RBPJ: variants seen among roughly 807,000 people sequenced by gnomAD.
The protein encoded by RBPJ is recombination signal binding protein for immunoglobulin kappa J region.
Under a neutral mutation model 67.8 loss-of-function variants are expected in RBPJ, and 9 were observed. That is an observed-to-expected ratio of 0.13 (90% CI 0.08 to 0.23). The LOEUF is 0.23. RBPJ is among the 10% of genes least tolerant of loss of function. RBPJ has a pLI of 1.00. For synonymous variants in RBPJ, 198 were observed against 203.3 expected (o/e 0.97, Z 0.22); for missense variants, 305 against 595.6 (o/e 0.51, Z 5.08).
chr4:26,413,668 T>C (rs917512821), intron 3 of RBPJ, among the ~76,000 whole-genome samples: 3 of 152,174 alleles, frequency 2.0e-5, no homozygotes, highest in African/African-American at 7.2e-5. Context: ...CATTAATATA[T>C]TTTCAGTCAG....
chr4:26,305,995 A>G (rs1253466966), intron 1 of RBPJ, among the ~76,000 whole-genome samples: 1 of 146,512 alleles, frequency 6.8e-6, no homozygotes, highest in African/African-American at 2.6e-5. Flanking sequence ...CATTTTAGCC[A>G]GGCTGGTCTC....
At chr4:26,418,545 G>A (rs141878512) in intron 4 of RBPJ, among the ~76,000 whole-genome samples, 127 of 152,082 alleles carry the variant, frequency 8.4e-4, no homozygotes, top group African/African-American at 2.8e-3. Flanking sequence ...AGTTCTTTTT[G>A]TGTAGGTCTT....
At chr4:26,414,583 G>A (rs1046124850) in intron 3 of RBPJ, among the ~76,000 whole-genome samples, 1 of 152,214 alleles carries the variant, frequency 6.6e-6, no homozygotes, top group African/African-American at 2.4e-5. Flanking sequence ...ATGTTTTAAA[G>A]TGTGTACAAG....
the RBPJ span, among the ~76,000 whole-genome samples, chr4:26,109,103 C>CT: frequency 0.015 from 1,990 of 129,982 alleles, 38 homozygotes; most frequent in East Asian, 0.058. Flanking sequence ...TTGCCTTCCT[C>CT]TTTTTTTTTT....
At chr4:26,394,288 A>C (rs1731874559) in intron 2 of RBPJ, among the ~76,000 whole-genome samples, 1 of 152,136 alleles carries the variant, frequency 6.6e-6, no homozygotes, top group African/African-American at 2.4e-5. Flanking sequence ...TGGCCTCCCA[A>C]AATGCTGGGA....
chr4:26,298,965 A>G (rs1721978449), intron 1 of RBPJ, among the ~76,000 whole-genome samples: 1 of 152,252 alleles, frequency 6.6e-6, no homozygotes, highest in Non-Finnish European at 1.5e-5. Flanking sequence ...GCTTCAAAGA[A>G]AAAAGGTAGG....
chr4:26,233,426 A>T (rs890775080), intron 1 of RBPJ, among the ~76,000 whole-genome samples: 1 of 152,192 alleles, frequency 6.6e-6, no homozygotes, highest in Non-Finnish European at 1.5e-5. Context: ...TTAGGGCTGA[A>T]TTCAATTATC....
rs181265493 is a variant in RBPJ, at chr4:26,268,747, G to C, written c.-166-93699G>C. Among the ~76,000 whole-genome samples, 96 of 152,074 alleles carry C rather than the reference G, an allele frequency of 6.3e-4. 1 individual carries two copies. Among genetic ancestry groups the C allele is most frequent in the Non-Finnish European group, 1.6e-4 (11 of 67,986 alleles). ...GTCAAGCCTGGCTGAGGGGGGAGGG[G>C]CAGCTGCAGCAGAGGCGGGAGGAAG... On this transcript the variant is annotated intron_variant, in intron 1 of 4. Transcript: ENST00000512351.
upstream of RBPJ, among the ~76,000 whole-genome samples, chr4:26,316,827 C>CTTT (rs56130072): frequency 0.076 from 5,442 of 71,264 alleles, 1,581 homozygotes; most frequent in Non-Finnish European, 0.085. Flanking sequence ...ACCCAGACGA[C>CTTT]TTTTTTTTTT....
chr4:26,218,012 AT>A (rs1414788580), intron 1 of RBPJ, among the ~76,000 whole-genome samples: 3 of 152,216 alleles, frequency 2.0e-5, no homozygotes, highest in Admixed American at 6.5e-5. Context: ...CCTTATTAAA[AT>A]GCAGCAGGAC....
upstream of RBPJ, chr4:26,321,009 T>G: frequency 5.0e-6 from 8 of 1,613,478 alleles, no homozygotes; most frequent in Non-Finnish European, 6.8e-6. Flanking sequence ...GGTTGGAGTT[T>G]TGGCGAGAGT....
rs187612929 is a variant in RBPJ at position 26,282,041 on chromosome 4, G to T, written c.-166-80405G>T. Among the ~76,000 whole-genome samples, 274 of 151,700 alleles carry T rather than the reference G, an allele frequency of 1.8e-3. 1 individual carries two copies. Among genetic ancestry groups the T allele is most frequent in the Middle Eastern group, 0.014 (4 of 292 alleles). ...TTTCATGCAAACTTTATGTGTATTT[G>T]TGTATGTATGTGTTTATCTAGGAAG... On this transcript the variant is annotated intron_variant, in intron 1 of 4. Coordinates refer to the RBPJ transcript ENST00000512351.
chr4:26,197,206 C>G (rs200107871), intron 1 of RBPJ, among the ~76,000 whole-genome samples: 2 of 152,182 alleles, frequency 1.3e-5, no homozygotes, highest in East Asian at 3.9e-4. Context: ...GACCAGTGCT[C>G]GGTTGTCCTA....
chr4:26,164,462 T>C (rs1037893539), intron 1 of RBPJ, among the ~76,000 whole-genome samples: 7 of 152,200 alleles, frequency 4.6e-5, no homozygotes, highest in Non-Finnish European at 8.8e-5. Flanking sequence ...AATGGAGTTA[T>C]GACAGAAGGG....
intron 1 of RBPJ, among the ~76,000 whole-genome samples, chr4:26,269,858 G>T (rs1463404213): frequency 6.6e-6 from 1 of 152,008 alleles, no homozygotes; most frequent in Non-Finnish European, 1.5e-5. Flanking sequence ...TTACTTTGAG[G>T]CCAAACTAGC....
Position 26,402,088 on chromosome 4 carries a change from A to G in RBPJ, c.60-4087A>G, listed in dbSNP as rs140794230. On this transcript the variant is annotated intron_variant, in intron 2 of 10. Coordinates refer to ENST00000355476, the MANE Select transcript of RBPJ (RefSeq NM_015874.6). ...TTTTTAGTAGAAAGGGGGTTTCTCC[A>G]TGTTGGTCAGGCTGGTCTCAAACTC... 2.0e-3 allele frequency among the ~76,000 whole-genome samples: 309 copies of G among 151,784 alleles called. 1 individual carries two copies. Among genetic ancestry groups the G allele is most frequent in the African/African-American group, 6.6e-3 (272 of 41,404 alleles).
At chr4:26,269,885 G>A (rs908266517) in intron 1 of RBPJ, among the ~76,000 whole-genome samples, 6 of 152,190 alleles carry the variant, frequency 3.9e-5, no homozygotes, top group East Asian at 3.9e-4. Flanking sequence ...TTTTAGAAAG[G>A]ACCCAGGCCT....
chr4:26,314,478 G>A (rs1327140424), intron 1 of RBPJ, among the ~76,000 whole-genome samples: 1 of 152,118 alleles, frequency 6.6e-6, no homozygotes, highest in African/African-American at 2.4e-5. Context: ...TCCCAGTGTT[G>A]GAGGTGGGGC....
intron 1 of RBPJ, among the ~76,000 whole-genome samples, chr4:26,260,513 A>AC (rs1369852596): frequency 5.3e-5 from 8 of 152,140 alleles, no homozygotes; most frequent in African/African-American, 1.9e-4. Context: ...GAGAATATAA[A>AC]AAAAAAGCAA....
Sources: gnomAD v4.1 joint callset for allele counts (sites outside exome capture counted in the v4.1 genomes callset) on GRCh38, gnomAD v4.1.1 for gene constraint, MANE v1.5 for transcripts, NCBI Gene and HGNC (gene_info 2026-07-23, HGNC 2026-07-21) for gene names.